KHDRBS2: variants seen among roughly 807,000 people sequenced by gnomAD.
KHDRBS2 encodes the protein KH domain-containing, RNA-binding, signal transduction-associated protein 2.
KHDRBS2 carries 26 observed loss-of-function variants against 44.3 expected under a neutral mutation model. The observed-to-expected ratio is 0.59, with a 90% CI of 0.43 to 0.81. The LOEUF (loss-of-function observed/expected upper bound fraction) is 0.81. KHDRBS2 is among the 40% of genes least tolerant of loss of function. KHDRBS2 has a pLI of 0.00. For missense variants in KHDRBS2, 476 were observed against 433.1 expected (o/e 1.10, Z -0.88); for synonymous variants, 194 against 151.1 (o/e 1.28, Z -2.08).
chr6:61,772,208 G>C (rs535668490), intron 6 of KHDRBS2, among the ~76,000 whole-genome samples: 1 of 152,250 alleles, frequency 6.6e-6, no homozygotes, highest in Non-Finnish European at 1.5e-5. Context: ...ATGTCCACAA[G>C]AGAAAGCAGG....
At chr6:62,228,164 C>T (rs1226195039) in intron 1 of KHDRBS2, among the ~76,000 whole-genome samples, 1 of 151,996 alleles carries the variant, frequency 6.6e-6, no homozygotes, top group Non-Finnish European at 1.5e-5. Context: ...AGGCTTTATT[C>T]GGTTGGTAGG....
chr6:62,038,168 T>C (rs1203720048), intron 3 of KHDRBS2, among the ~76,000 whole-genome samples: 1 of 152,046 alleles, frequency 6.6e-6, no homozygotes, highest in Non-Finnish European at 1.5e-5. Flanking sequence ...CCAATCGTTG[T>C]GTTTACATCA....
chr6:62,023,148 T>A (rs1782647959), intron 3 of KHDRBS2, among the ~76,000 whole-genome samples: 1 of 151,728 alleles, frequency 6.6e-6, no homozygotes. Flanking sequence ...TTAAGATAAT[T>A]TACTTCTAAA....
chr6:62,038,359 G>A (rs948585164), intron 3 of KHDRBS2, among the ~76,000 whole-genome samples: 10 of 150,794 alleles, frequency 6.6e-5, no homozygotes, highest in South Asian at 2.1e-4. Context: ...TTTGAGCTCC[G>A]TTTAGTGTCA....
chr6:62,122,211 G>T (rs184762336), intron 2 of KHDRBS2, among the ~76,000 whole-genome samples: 2 of 152,220 alleles, frequency 1.3e-5, no homozygotes, highest in African/African-American at 2.4e-5. Flanking sequence ...ATGCTATTTG[G>T]AGCCTTTGGC....
chr6:61,822,974 G>A (rs1172252171), intron 6 of KHDRBS2, among the ~76,000 whole-genome samples: 2 of 151,990 alleles, frequency 1.3e-5, no homozygotes, highest in Non-Finnish European at 2.9e-5. Context: ...ATAAGGACAG[G>A]CACCATTCCT....
the KHDRBS2 span, among the ~76,000 whole-genome samples, chr6:61,625,535 C>T: frequency 2.6e-5 from 4 of 151,976 alleles, no homozygotes; most frequent in Admixed American, 1.3e-4. Flanking sequence ...GTCCCTAGCC[C>T]AGGAATAGCC....
At chr6:61,747,017 T>G (rs2127566685) in intron 6 of KHDRBS2, among the ~76,000 whole-genome samples, 1 of 133,256 alleles carries the variant, frequency 7.5e-6, no homozygotes. Flanking sequence ...ACAAGGAACT[T>G]AAACAAATGT....
intron 4 of KHDRBS2, among the ~76,000 whole-genome samples, chr6:61,945,220 A>C (rs1358979232): frequency 7.0e-6 from 1 of 143,354 alleles, no homozygotes. Context: ...AAATTTAAAA[A>C]CTCTCATTTA....
At chr6:61,782,000 G>A (rs1189618751) in intron 6 of KHDRBS2, among the ~76,000 whole-genome samples, 1 of 152,126 alleles carries the variant, frequency 6.6e-6, no homozygotes, top group Admixed American at 6.6e-5. Context: ...TCCAGGTAGG[G>A]AATTTTGGAA....
chr6:62,237,692 T>A (rs1326789712), intron 1 of KHDRBS2, among the ~76,000 whole-genome samples: 1 of 152,002 alleles, frequency 6.6e-6, no homozygotes, highest in Non-Finnish European at 1.5e-5. Context: ...AGAGGGAAAA[T>A]GTACAACACA....
intron 2 of KHDRBS2, among the ~76,000 whole-genome samples, chr6:62,140,939 T>C (rs1812680383): frequency 6.6e-6 from 1 of 152,134 alleles, no homozygotes; most frequent in African/African-American, 2.4e-5. Context: ...ACAATTAGAG[T>C]GTCACTGAGG....
At chr6:61,885,004 T>A (rs9445560) in intron 6 of KHDRBS2, among the ~76,000 whole-genome samples, 3,326 of 152,148 alleles carry the variant, frequency 0.022, 130 homozygotes, top group African/African-American at 0.077. Context: ...GGCAGGAAAG[T>A]GAATATTTAT....
chr6:62,285,711 C>T, intron 1 of KHDRBS2, 147 bp downstream of exon 1: 1 of 597,570 alleles, frequency 1.7e-6, no homozygotes, highest in Non-Finnish European at 2.9e-6. Context: ...GGGGTCTGTC[C>T]GCCCGAGCTC....
chr6:62,060,142 C>T (rs558518401), intron 2 of KHDRBS2, among the ~76,000 whole-genome samples: 28 of 151,690 alleles, frequency 1.8e-4, no homozygotes, highest in African/African-American at 4.1e-4. Context: ...ACCCCAAGAG[C>T]GTAACAAATT....
intron 2 of KHDRBS2, among the ~76,000 whole-genome samples, chr6:62,087,967 C>A (rs1032809492): frequency 6.6e-6 from 1 of 152,152 alleles, no homozygotes; most frequent in Non-Finnish European, 1.5e-5. Context: ...GATATCCTTT[C>A]TTCTGCTTTA....
intron 2 of KHDRBS2, among the ~76,000 whole-genome samples, chr6:62,053,705 C>T (rs1326171721): frequency 6.6e-6 from 1 of 151,844 alleles, no homozygotes; most frequent in Non-Finnish European, 1.5e-5. Context: ...GGTAAAGATG[C>T]ACATTCTTGA....
chr6:62,222,984 A>T (rs1306655170), intron 1 of KHDRBS2, among the ~76,000 whole-genome samples: 1 of 152,070 alleles, frequency 6.6e-6, no homozygotes, highest in Non-Finnish European at 1.5e-5. Context: ...TGGATCTACC[A>T]TTCTGGGGTC....
intron 6 of KHDRBS2, among the ~76,000 whole-genome samples, chr6:61,777,821 T>TTTTA (rs538627755): frequency 1.8e-3 from 273 of 152,152 alleles, no homozygotes; most frequent in Non-Finnish European, 2.0e-3. Flanking sequence ...AAGATTAAGA[T>TTTTA]TTTATTTATT....
Sources: allele counts gnomAD v4.1 joint callset (sites outside exome capture counted in the v4.1 genomes callset), GRCh38; gene constraint gnomAD v4.1.1; transcripts MANE v1.5; gene names NCBI Gene and HGNC (gene_info 2026-07-23, HGNC 2026-07-21).